DLG2: variants seen among roughly 807,000 people sequenced by gnomAD.
The protein encoded by DLG2 is disks large homolog 2.
Under a neutral mutation model 132.5 loss-of-function variants are expected in DLG2, and 45 were observed. That is an observed-to-expected ratio of 0.34 (90% CI 0.27 to 0.44). The LOEUF (loss-of-function observed/expected upper bound fraction) is 0.44, where lower values mean the gene tolerates loss of function less well. Ranked by LOEUF, DLG2 falls within the 20% of genes least tolerant of loss-of-function variation. DLG2 has a pLI of 1.00. For synonymous variants in DLG2, 424 were observed against 419.6 expected (o/e 1.01, Z -0.13); for missense variants, 1,045 against 1,196.9 (o/e 0.87, Z 1.87).
At chr11:83,962,281 G>A (rs551477758) in intron 14 of DLG2, among the ~76,000 whole-genome samples, 1 of 151,990 alleles carries the variant, frequency 6.6e-6, no homozygotes, top group Non-Finnish European at 1.5e-5. Flanking sequence ...CAGGCCCCAC[G>A]TATATCTGAA....
At chr11:84,238,044 A>T (rs1179801245) in intron 8 of DLG2, among the ~76,000 whole-genome samples, 23 of 17,998 alleles carry the variant, frequency 1.3e-3, no homozygotes, top group African/African-American at 2.2e-3. Flanking sequence ...ACTCTGCCTA[A>T]AAAAAAAAAA....
chr11:85,051,340 C>G (rs564828796), intron 6 of DLG2, among the ~76,000 whole-genome samples: 1 of 152,082 alleles, frequency 6.6e-6, no homozygotes, highest in Non-Finnish European at 1.5e-5. Context: ...CCAAAATTTG[C>G]TTGATTACTT....
At chr11:85,000,870 C>T (rs1566616660) in intron 6 of DLG2, among the ~76,000 whole-genome samples, 1 of 152,074 alleles carries the variant, frequency 6.6e-6, no homozygotes, top group Non-Finnish European at 1.5e-5. Flanking sequence ...ACAGCCTCAT[C>T]ATTGTTACAA....
In DLG2 at chr11:83,681,871, A is replaced by G. The variant is rs1015258592; in HGVS notation, c.1826-48546T>C. ...TAAGAAAAACAATTTCGTGACAAAG[A>G]GACTTGTTTTTTTCAAAGCTCACCC... On this transcript the variant is annotated intron_variant, in intron 18 of 27. Transcript: ENST00000376104. 6 of 153,552 alleles carry G rather than the reference A, an allele frequency of 3.9e-5. No homozygotes were observed. The Admixed American group carries it at 3.9e-4, about 10-fold the overall frequency. The allele number at this position is 153,552 out of a possible 1,614,324, so 9.5% of individuals were successfully genotyped here. A position where few individuals can be genotyped will look rare whatever the true frequency, so the allele number is the denominator to read the frequency against.
At chr11:85,432,320 A>G (rs934778326) in intron 3 of DLG2, among the ~76,000 whole-genome samples, 35 of 152,150 alleles carry the variant, frequency 2.3e-4, no homozygotes, top group African/African-American at 8.4e-4. Context: ...TGGACGAAGG[A>G]TGAGATAGAT....
At chr11:85,529,878 C>T (rs1198417531) in intron 3 of DLG2, among the ~76,000 whole-genome samples, 1 of 152,160 alleles carries the variant, frequency 6.6e-6, no homozygotes, top group East Asian at 1.9e-4. Context: ...GTTACACATC[C>T]TCACATGAAA....
intron 7 of DLG2, among the ~76,000 whole-genome samples, chr11:84,261,756 A>G (rs2097550248): frequency 6.6e-6 from 1 of 152,200 alleles, no homozygotes; most frequent in African/African-American, 2.4e-5. Context: ...ACACACACTC[A>G]AACACTCAAA....
intron 6 of DLG2, among the ~76,000 whole-genome samples, chr11:84,606,881 T>A (rs2099586679): frequency 6.6e-6 from 1 of 152,142 alleles, no homozygotes. Context: ...CCTTCCCCCC[T>A]GGAAAATCTT....
rs1207762438 is a variant in DLG2, at chr11:83,532,602, T to C, written c.2193+106A>G. 1.1e-5 allele frequency: 10 copies of C among 885,024 alleles called. 1 individual carries two copies. The highest frequency in any genetic ancestry group is 1.9e-5 in the Non-Finnish European group (10 of 529,776). The allele number at this position is 885,024 out of a possible 1,614,324, so 54.8% of individuals were successfully genotyped here. ...ATATATTTATAACAGTGCTCTACTG[T>C]CTGGTACCTTCATAATTTGTTTGCT... On this transcript the variant is annotated intron_variant, in intron 21 of 27. Transcript: ENST00000376104.
In DLG2 at chr11:84,135,558, T is replaced by C. The variant is rs141877777; in HGVS notation, c.624+27903A>G. ...CATAATATCAAGTTCACATATGAAG[T>C]TTGAGCAGGCAGTAGTCAGGCAAAG... On this transcript the variant is annotated intron_variant, in intron 9 of 27. Transcript: ENST00000376104. Among the ~76,000 whole-genome samples, 292 of 152,002 alleles carry C rather than the reference T, an allele frequency of 1.9e-3. 1 individual carries two copies. The highest frequency in any genetic ancestry group is 6.7e-3 in the South Asian group (32 of 4,812).
At chr11:85,593,800 G>A (rs955986987) in intron 3 of DLG2, among the ~76,000 whole-genome samples, 3 of 151,432 alleles carry the variant, frequency 2.0e-5, no homozygotes, top group Non-Finnish European at 4.4e-5. Flanking sequence ...AAATATGTAG[G>A]GTTTTTTTTA....
intron 4 of DLG2, among the ~76,000 whole-genome samples, chr11:85,256,726 G>A (rs116376391): frequency 6.6e-6 from 1 of 152,074 alleles, no homozygotes; most frequent in African/African-American, 2.4e-5. Context: ...GTCGTGTGAG[G>A]GGGGGTCAGG....
intron 6 of DLG2, among the ~76,000 whole-genome samples, chr11:85,026,628 G>T (rs538429826): frequency 3.1e-4 from 47 of 152,220 alleles, no homozygotes; most frequent in African/African-American, 1.1e-3. Flanking sequence ...ACAAGGTCAG[G>T]AGATCGAGAC....
At chr11:85,422,554 G>A (rs1235810015) in intron 3 of DLG2, among the ~76,000 whole-genome samples, 1 of 150,476 alleles carries the variant, frequency 6.6e-6, no homozygotes. Context: ...TTGGTGGGGG[G>A]GATTTGTCGG....
At chr11:83,963,664 C>G (rs1306154453) in intron 13 of DLG2, among the ~76,000 whole-genome samples, 1 of 151,944 alleles carries the variant, frequency 6.6e-6, no homozygotes, top group African/African-American at 2.4e-5. Context: ...AAATGTTCTC[C>G]ATTGTTGTTA....
intron 6 of DLG2, among the ~76,000 whole-genome samples, chr11:85,055,653 T>G (rs559471970): frequency 6.6e-6 from 1 of 152,288 alleles, no homozygotes. Context: ...TCCAACACTA[T>G]GTGCTGTTTA....
chr11:85,073,239 A>C (rs1022639520), intron 6 of DLG2, among the ~76,000 whole-genome samples: 3 of 151,836 alleles, frequency 2.0e-5, no homozygotes, highest in Admixed American at 2.0e-4. Flanking sequence ...AGAAAGCACA[A>C]GGAATTCCCT....
At chr11:84,245,271 T>C (rs1406030011) in intron 8 of DLG2, among the ~76,000 whole-genome samples, 1 of 152,202 alleles carries the variant, frequency 6.6e-6, no homozygotes, top group Non-Finnish European at 1.5e-5. Flanking sequence ...TCTCTTGTCC[T>C]TGGCCCCAGA....
intron 15 of DLG2, among the ~76,000 whole-genome samples, chr11:83,926,894 T>A (rs1038918431): frequency 6.6e-6 from 1 of 152,082 alleles, no homozygotes; most frequent in Non-Finnish European, 1.5e-5. Flanking sequence ...GTATTTCCCA[T>A]TGGAAAAATA....
Sources: allele counts gnomAD v4.1 joint callset (sites outside exome capture counted in the v4.1 genomes callset), GRCh38; gene constraint gnomAD v4.1.1; transcripts MANE v1.5; gene names NCBI Gene and HGNC (gene_info 2026-07-23, HGNC 2026-07-21).